RBFOX1: variants seen among roughly 807,000 people sequenced by gnomAD.
The protein encoded by RBFOX1 is RNA binding fox-1 homolog 1.
RBFOX1 carries 8 observed loss-of-function variants against 57.7 expected under a neutral mutation model. That is an observed-to-expected ratio of 0.14 (90% CI 0.08 to 0.25). The LOEUF (loss-of-function observed/expected upper bound fraction) is 0.25. RBFOX1 is among the 10% of genes least tolerant of loss of function. The probability of loss-of-function intolerance (pLI) is 1.00; values close to 1 mark genes in which losing one functional copy is unlikely to be tolerated. For synonymous variants in RBFOX1, 326 were observed against 222.4 expected (o/e 1.47, Z -4.15); for missense variants, 611 against 548.5 (o/e 1.11, Z -1.14).
At chr16:6,915,530 G>A (rs548974223) in intron 3 of RBFOX1, among the ~76,000 whole-genome samples, 5 of 146,532 alleles carry the variant, frequency 3.4e-5, no homozygotes, top group African/African-American at 5.0e-5. Flanking sequence ...TTTTTTCTAA[G>A]TCCTCACCCC....
intron 2 of RBFOX1, among the ~76,000 whole-genome samples, chr16:5,510,973 C>T (rs1459966837): frequency 6.6e-6 from 1 of 152,172 alleles, no homozygotes; most frequent in African/African-American, 2.4e-5. Flanking sequence ...GTATAATCCA[C>T]ATGACTATTA....
intron 2 of RBFOX1, among the ~76,000 whole-genome samples, chr16:6,417,696 TC>T (rs538174122): frequency 0.017 from 1,489 of 86,232 alleles, 26 homozygotes; most frequent in African/African-American, 0.094. Flanking sequence ...GGCCTTAAAC[TC>T]CTTTCTTTTT....
chr16:5,346,353 C>T (rs1036739693), intron 1 of RBFOX1, among the ~76,000 whole-genome samples: 7 of 152,110 alleles, frequency 4.6e-5, no homozygotes, highest in East Asian at 1.9e-4. Context: ...AAATCATCAT[C>T]GTCATTACAT....
chr16:5,911,504 G>A (rs569332761), intron 4 of RBFOX1, among the ~76,000 whole-genome samples: 2 of 152,250 alleles, frequency 1.3e-5, no homozygotes, highest in East Asian at 1.9e-4. Context: ...CAGAGAGCTC[G>A]GCTGTAAAAG....
rs549355561 is a variant in RBFOX1, at chr16:5,376,193, G to A, written c.220-91023G>A. On this transcript the variant is annotated intron_variant, in intron 1 of 2. Coordinates refer to the RBFOX1 transcript ENST00000585867. ...AAAAGAAAAAAAAAAAAAAAGGTTAGTAATCTGTCCAAGTTCACAGCTAGT... is the reference window on the plus strand; with the variant it reads ...AAAAGAAAAAAAAAAAAAAAGGTTAATAATCTGTCCAAGTTCACAGCTAGT... 4.9e-4 allele frequency among the ~76,000 whole-genome samples: 75 copies of A among 151,666 alleles called. 1 individual carries two copies. Among genetic ancestry groups the A allele is most frequent in the African/African-American group, 1.8e-3 (73 of 41,308 alleles).
intron 2 of RBFOX1, among the ~76,000 whole-genome samples, chr16:5,550,327 C>G (rs1247139884): frequency 1.3e-5 from 2 of 152,140 alleles, no homozygotes; most frequent in African/African-American, 4.8e-5. Flanking sequence ...CCATGTTTCC[C>G]TGTCTTACCC....
chr16:7,369,281 T>A (rs1362665893), intron 4 of RBFOX1, among the ~76,000 whole-genome samples: 1 of 151,972 alleles, frequency 6.6e-6, no homozygotes, highest in African/African-American at 2.4e-5. Flanking sequence ...GGGCTGACCA[T>A]GTCTTCCAGA....
At position 6,396,897 on chromosome 16, in the gene RBFOX1, A is replaced by G. The variant is rs1347639707; in HGVS notation, c.-64+79840A>G. On this transcript the variant is annotated intron_variant, in intron 2 of 15. Coordinates refer to ENST00000550418, the MANE Select transcript of RBFOX1 (RefSeq NM_018723.4). ...CTAGTTATATAAAAATGAAAATTTT[A>G]GAATTACAAATAAAATATTTGAAAT... Among the ~76,000 whole-genome samples the G allele has an allele frequency of 2.6e-5, 4 of 152,236 alleles. No homozygotes were observed. In the East Asian group the frequency reaches 7.7e-4, roughly 29 times the overall value.
intron 1 of RBFOX1, among the ~76,000 whole-genome samples, chr16:6,250,018 G>C (rs755204036): frequency 7.9e-5 from 12 of 152,054 alleles, no homozygotes; most frequent in Non-Finnish European, 1.3e-4. Flanking sequence ...CCAAAAGGAG[G>C]TTCTTGCAGC....
chr16:6,302,056 C>T (rs753092454), intron 1 of RBFOX1, among the ~76,000 whole-genome samples: 15 of 152,178 alleles, frequency 9.9e-5, no homozygotes, highest in African/African-American at 2.6e-4. Context: ...ATGACAAGAC[C>T]GGAGATGCAA....
intron 4 of RBFOX1, among the ~76,000 whole-genome samples, chr16:7,338,119 G>T (rs772130560): frequency 6.6e-6 from 1 of 152,190 alleles, no homozygotes; most frequent in Admixed American, 6.5e-5. Context: ...GTAAAGGAGT[G>T]CCATGGTTGT....
chr16:6,392,400 AG>A (rs1477979713), intron 2 of RBFOX1, among the ~76,000 whole-genome samples: 2 of 152,244 alleles, frequency 1.3e-5, no homozygotes, highest in Non-Finnish European at 2.9e-5. Context: ...ATTTACTAAT[AG>A]TAATACAATT....
intron 3 of RBFOX1, among the ~76,000 whole-genome samples, chr16:6,965,848 G>A (rs1029377373): frequency 6.6e-6 from 1 of 151,468 alleles, no homozygotes. Context: ...CGCATCCATG[G>A]GGATAAGGAA....
At chr16:5,767,535 G>A (rs1050692201) in intron 3 of RBFOX1, among the ~76,000 whole-genome samples, 2 of 152,170 alleles carry the variant, frequency 1.3e-5, no homozygotes, top group African/African-American at 4.8e-5. Context: ...CACTGGAATA[G>A]ACCTGTCCCT....
chr16:7,374,098 C>T (rs1003220427), intron 4 of RBFOX1, among the ~76,000 whole-genome samples: 4 of 152,106 alleles, frequency 2.6e-5, no homozygotes, highest in Admixed American at 6.5e-5. Flanking sequence ...TTTTCTGCAG[C>T]TCTGATGGTG....
At chr16:6,921,124 CT>C (rs1015279357) in intron 3 of RBFOX1, among the ~76,000 whole-genome samples, 1 of 152,178 alleles carries the variant, frequency 6.6e-6, no homozygotes, top group African/African-American at 2.4e-5. Flanking sequence ...GTTTCCTAAA[CT>C]CCCCCAGGCT....
At position 5,467,315 on chromosome 16, in the gene RBFOX1, T is replaced by C. The variant is rs1398825629; in HGVS notation, c.258+61T>C. 2.1e-6 allele frequency: 3 copies of C among 1,430,228 alleles called. No homozygotes were observed. The African/African-American group carries it at 4.3e-5, about 20-fold the overall frequency. 88.6% of individuals were successfully genotyped at this position (1,430,228 alleles called of 1,614,324 possible). ...TGAAGTCTAGTGGAAATGAAAGCAA[T>C]AGAAAAATCTTGCGTCACAGCCCTG... On this transcript the variant is annotated intron_variant, in intron 2 of 2. Transcript: ENST00000585867.
At chr16:6,594,172 T>G (rs1178058217) in intron 2 of RBFOX1, among the ~76,000 whole-genome samples, 1 of 152,142 alleles carries the variant, frequency 6.6e-6, no homozygotes, top group Non-Finnish European at 1.5e-5. Flanking sequence ...GGAAAATCCT[T>G]TGTCTAGTAA....
At chr16:6,666,559 C>G (rs28455711) in intron 3 of RBFOX1, among the ~76,000 whole-genome samples, 21 of 107,838 alleles carry the variant, frequency 1.9e-4, no homozygotes, top group African/African-American at 7.4e-4. Context: ...AAAAAAAAAA[C>G]AAATCATGTC....
Sources: gnomAD v4.1 joint callset for allele counts (sites outside exome capture counted in the v4.1 genomes callset) on GRCh38, gnomAD v4.1.1 for gene constraint, MANE v1.5 for transcripts, NCBI Gene and HGNC (gene_info 2026-07-23, HGNC 2026-07-21) for gene names.